Variants in DIS3L2 observed in about 807,000 individuals in gnomAD.
DIS3L2 encodes the protein DIS3 like 3'-5' exoribonuclease 2.
DIS3L2 carries 34 observed loss-of-function variants against 97.5 expected under a neutral mutation model. The ratio of observed to expected loss-of-function variants is 0.35; its 90% CI spans 0.27 to 0.46. DIS3L2 has a LOEUF of 0.46. Ranked by LOEUF, DIS3L2 falls within the 20% of genes least tolerant of loss-of-function variation. The pLI is 1.00. For missense variants in DIS3L2, 1,038 were observed against 1,146.0 expected (o/e 0.91, Z 1.36); for synonymous variants, 435 against 445.2 (o/e 0.98, Z 0.29).
At chr2:232,181,706 T>G (rs1691278112) in intron 9 of DIS3L2, among the ~76,000 whole-genome samples, 1 of 152,176 alleles carries the variant, frequency 6.6e-6, no homozygotes, top group African/African-American at 2.4e-5. Context: ...TGGTGCGATC[T>G]CAGCTCACTG....
chr2:232,016,837 T>C (rs1361238279), intron 3 of DIS3L2, among the ~76,000 whole-genome samples: 1 of 152,118 alleles, frequency 6.6e-6, no homozygotes, highest in Non-Finnish European at 1.5e-5. Context: ...GCTTCTGTAT[T>C]TGTGTTTTTG....
At chr2:232,156,411 T>C (rs1286671132) in intron 8 of DIS3L2, among the ~76,000 whole-genome samples, 3 of 152,144 alleles carry the variant, frequency 2.0e-5, no homozygotes, top group Admixed American at 2.0e-4. Flanking sequence ...TCTTTGGTCA[T>C]TTCTGTGGTT....
intron 9 of DIS3L2, among the ~76,000 whole-genome samples, chr2:232,193,523 C>T (rs191404911): frequency 1.2e-3 from 178 of 152,306 alleles, no homozygotes; most frequent in Admixed American, 2.2e-3. Flanking sequence ...TATTAAGGCA[C>T]ATTGCCTTAA....
intron 13 of DIS3L2, among the ~76,000 whole-genome samples, chr2:232,296,885 C>T (rs547385622): frequency 4.0e-4 from 61 of 152,334 alleles, no homozygotes; most frequent in African/African-American, 1.3e-3. Flanking sequence ...CCTATCACCA[C>T]CTCTGCTGAC....
At chr2:232,328,626 TC>T (rs1235189263) in intron 14 of DIS3L2, 1 of 151,898 alleles carries the variant, frequency 6.6e-6, no homozygotes, top group African/African-American at 2.4e-5. Flanking sequence ...TGCGGGAGCT[TC>T]CTCCCTGATC....
At chr2:232,328,124 G>A (rs570557335) in intron 14 of DIS3L2, among the ~76,000 whole-genome samples, 9 of 152,314 alleles carry the variant, frequency 5.9e-5, no homozygotes, top group Non-Finnish European at 7.4e-5. Flanking sequence ...ATCACAGGCC[G>A]TTACTGCCAC....
At chr2:232,089,179 A>G (rs1308566952) in intron 6 of DIS3L2, among the ~76,000 whole-genome samples, 1 of 152,216 alleles carries the variant, frequency 6.6e-6, no homozygotes, top group Non-Finnish European at 1.5e-5. Context: ...TTTTGAAAGC[A>G]TGTGTCCTTT....
intron 5 of DIS3L2, among the ~76,000 whole-genome samples, chr2:232,049,063 A>G (rs1695327807): frequency 6.6e-6 from 1 of 152,322 alleles, no homozygotes; most frequent in South Asian, 2.1e-4. Flanking sequence ...TTTCAGGCAC[A>G]TGGAATGCAT....
At chr2:232,157,751 C>T (rs775300612) in intron 8 of DIS3L2, among the ~76,000 whole-genome samples, 10 of 152,150 alleles carry the variant, frequency 6.6e-5, no homozygotes, top group Admixed American at 1.3e-4. Flanking sequence ...CTGCTGCTGG[C>T]AAGCTAGCAT....
intron 6 of DIS3L2, among the ~76,000 whole-genome samples, chr2:232,105,122 A>G (rs1697324589): frequency 6.6e-6 from 1 of 152,124 alleles, no homozygotes. Flanking sequence ...CCAGCCACAC[A>G]TTTTGTTTAT....
intron 1 of DIS3L2, among the ~76,000 whole-genome samples, chr2:231,966,622 GC>G (rs947473917): frequency 5.5e-4 from 76 of 138,684 alleles, no homozygotes; most frequent in African/African-American, 2.0e-3. Flanking sequence ...GAGCCACCAT[GC>G]CCAGCTAGTT....
At chr2:232,322,813 C>T (rs1036401705) in intron 14 of DIS3L2, among the ~76,000 whole-genome samples, 1 of 152,224 alleles carries the variant, frequency 6.6e-6, no homozygotes, top group Admixed American at 6.5e-5. Context: ...ACCCTTCTTC[C>T]TTGAACATCC....
intron 7 of DIS3L2, among the ~76,000 whole-genome samples, chr2:232,134,708 T>G (rs115552805): frequency 0.015 from 2,236 of 152,160 alleles, 60 homozygotes; most frequent in African/African-American, 0.052. Flanking sequence ...GACACACACC[T>G]GTGGTCCCAG....
intron 3 of DIS3L2, among the ~76,000 whole-genome samples, chr2:232,022,754 CA>C (rs1417535587): frequency 6.6e-6 from 1 of 152,202 alleles, no homozygotes; most frequent in Non-Finnish European, 1.5e-5. Context: ...CGTCATTTGA[CA>C]TGGTGCCTGC....
intron 12 of DIS3L2, among the ~76,000 whole-genome samples, chr2:232,252,673 G>T (rs1693451110): frequency 1.3e-5 from 2 of 152,136 alleles, no homozygotes; most frequent in Admixed American, 1.3e-4. Context: ...GGCCGAAGCG[G>T]GCAGATTGCT....
Position 232,104,883 on chromosome 2 carries a change from T to C in DIS3L2, c.601+17162T>C, listed in dbSNP as rs949326443. On this transcript the variant is annotated intron_variant, in intron 6 of 20. Transcript: ENST00000325385. ...CCCAGGCTGGAGTGCAGTGGTGTGA[T>C]CTCGGCTCACTGCAACCTCTGCCTC... is the stretch of plus-strand genomic sequence containing the variant. 2.0e-5 allele frequency among the ~76,000 whole-genome samples: 3 copies of C among 151,922 alleles called. No individual in the cohort carries two copies. The East Asian group carries it at 5.8e-4, about 30-fold the overall frequency.
chr2:232,015,883 C>T (rs1694342024), intron 3 of DIS3L2: 1 of 422,928 alleles, frequency 2.4e-6, no homozygotes, highest in Non-Finnish European at 4.1e-6. Flanking sequence ...AAGACAGGAA[C>T]AGGAAAAGTG....
At chr2:232,312,722 T>G (rs144669992) in intron 14 of DIS3L2, among the ~76,000 whole-genome samples, 2 of 152,358 alleles carry the variant, frequency 1.3e-5, no homozygotes, top group East Asian at 3.9e-4. Context: ...ATAATGAGTC[T>G]TCACAAACAT....
chr2:232,335,711 GGGT>G, intron 19 of DIS3L2, 59 bp from the exon 20 acceptor site: 1 of 1,512,874 alleles, frequency 6.6e-7, no homozygotes, highest in Non-Finnish European at 9.0e-7. Flanking sequence ...AAGCCCTCCA[GGGT>G]GGAAGGGCAG....
Sources: gnomAD v4.1 joint callset for allele counts (sites outside exome capture counted in the v4.1 genomes callset) on GRCh38, gnomAD v4.1.1 for gene constraint, MANE v1.5 for transcripts, NCBI Gene and HGNC (gene_info 2026-07-23, HGNC 2026-07-21) for gene names.